ZNF578: variants seen among roughly 807,000 people sequenced by gnomAD.
The protein encoded by ZNF578 is Putative chemokine-related protein B42.
ZNF578 carries 8 observed loss-of-function variants against 8.3 expected under a neutral mutation model. The ratio of observed to expected loss-of-function variants is 0.96; its 90% CI spans 0.56 to 1.74. The LOEUF is 1.74. Ranked by LOEUF, ZNF578 falls within the 40% of genes most tolerant of loss-of-function variation. The pLI, the probability that ZNF578 is intolerant of heterozygous loss-of-function variation, is 0.00. For synonymous variants in ZNF578, 206 were observed against 232.2 expected (o/e 0.89, Z 1.03); for missense variants, 726 against 707.5 (o/e 1.03, Z -0.30).
chr19:52,511,078 T>G lies in ZNF578; in HGVS notation c.697T>G (p.Cys233Gly). 6.2e-7 allele frequency: 1 copy of G among 1,614,220 alleles called. No individual in the cohort carries two copies. The highest frequency in any genetic ancestry group is 8.5e-7 in the Non-Finnish European group (1 of 1,180,028). The change falls in exon 6 of 6, where the codon TGT becomes GGT. Residue 233 changes from cysteine to glycine, a missense_variant. Coordinates refer to ENST00000421239, the MANE Select transcript of ZNF578 (RefSeq NM_001099694.2). ...EVHMREKSFQCNETGEAFNCS... is the reference protein window; with the variant it reads ...EVHMREKSFQGNETGEAFNCS... ...ACACATGAGAGAAAAATCTTTCCAATGTAATGAGACTGGCGAAGCCTTTAA... is the reference window on the plus strand; with the variant it reads ...ACACATGAGAGAAAAATCTTTCCAAGGTAATGAGACTGGCGAAGCCTTTAA...
chr19:52,510,056 A>T (rs941434608), intron 5 of ZNF578, among the ~76,000 whole-genome samples: 3 of 151,782 alleles, frequency 2.0e-5, no homozygotes, highest in Non-Finnish European at 2.9e-5. Context: ...TAATTTTTGT[A>T]ATCTTTTCTT....
intron 2 of ZNF578, among the ~76,000 whole-genome samples, chr19:52,485,210 T>C (rs2122857046): frequency 6.6e-6 from 1 of 152,212 alleles, no homozygotes; most frequent in Non-Finnish European, 1.5e-5. Flanking sequence ...TGATTACTTT[T>C]GTGCTTTTGT....
intron 3 of ZNF578, among the ~76,000 whole-genome samples, chr19:52,500,891 T>C (rs1487362780): frequency 6.7e-6 from 1 of 150,072 alleles, no homozygotes; most frequent in Non-Finnish European, 1.5e-5. Flanking sequence ...TTTTTTTTTT[T>C]TTTTTGAGAT....
At chr19:52,494,827 TTTAA>T (rs894219761) in intron 3 of ZNF578, among the ~76,000 whole-genome samples, 9 of 152,130 alleles carry the variant, frequency 5.9e-5, no homozygotes, top group African/African-American at 1.7e-4. Context: ...ATGTAATACT[TTTAA>T]TTAATTAATT....
rs551678369 is a variant in ZNF578 at position 52,512,122 on chromosome 19, G to A, written c.1741G>A (p.Asp581Asn). ...TGGTAAGGCTCACAATCACTTGATT[G>A]ATTCATCAATCAAGCCTTGCATGTC... Reference protein sequence around the residue: ...ECGKAHNHLIDSSIKPCMSS With the variant: ...ECGKAHNHLINSSIKPCMSS The change falls in exon 6 of 6, where the codon GAT (aspartate) becomes AAT (asparagine). Residue 581 changes from aspartate to asparagine, a missense_variant. By Grantham distance (23) the Asp-to-Asn change is conservative. Transcript: ENST00000421239. The A allele has an allele frequency of 4.4e-6, 7 of 1,604,906 alleles. No homozygotes were observed. The highest frequency in any genetic ancestry group is 3.4e-5 in the Admixed American group (2 of 59,126).
chr19:52,499,112 C>T (rs1238515527), intron 3 of ZNF578, among the ~76,000 whole-genome samples: 1 of 152,184 alleles, frequency 6.6e-6, no homozygotes, highest in East Asian at 1.9e-4. Flanking sequence ...TGAAATGTCT[C>T]CCGCTGTGAG....
At chr19:52,468,251 C>T (rs2059281560) in intron 2 of ZNF578, among the ~76,000 whole-genome samples, 1 of 152,048 alleles carries the variant, frequency 6.6e-6, no homozygotes. Flanking sequence ...CTAGTAGAGT[C>T]CTATTTATTA....
intron 4 of ZNF578, among the ~76,000 whole-genome samples, chr19:52,504,411 T>C (rs1269151929): frequency 6.6e-6 from 1 of 152,082 alleles, no homozygotes; most frequent in Non-Finnish European, 1.5e-5. Context: ...TTTTTATTTA[T>C]ATAGTTTTTA....
rs538999882 is a variant in ZNF578, at chr19:52,482,453, C to G, written c.-121-8871C>G. Among the ~76,000 whole-genome samples, 13 of 152,154 alleles carry G rather than the reference C, an allele frequency of 8.5e-5. No homozygotes were observed. In the South Asian group the frequency reaches 2.7e-3, roughly 32 times the overall value. On this transcript the variant is annotated intron_variant, in intron 2 of 5. Coordinates refer to ENST00000421239, the MANE Select transcript of ZNF578 (RefSeq NM_001099694.2). ...GGGTTCGAGACCAGCGTGGCCAACACAGTGAAACCCCATCTCTACTAAAAA... is the reference window on the plus strand; with the variant it reads ...GGGTTCGAGACCAGCGTGGCCAACAGAGTGAAACCCCATCTCTACTAAAAA...
intron 2 of ZNF578, among the ~76,000 whole-genome samples, chr19:52,486,097 A>G (rs189588003): frequency 6.6e-6 from 1 of 152,352 alleles, no homozygotes; most frequent in East Asian, 1.9e-4. Flanking sequence ...ATTCACTGAG[A>G]TAGGAGAAAA....
chr19:52,499,045 A>G (rs987426672), intron 3 of ZNF578, among the ~76,000 whole-genome samples: 4 of 152,110 alleles, frequency 2.6e-5, no homozygotes, highest in Non-Finnish European at 5.9e-5. Flanking sequence ...AGGCCATCAC[A>G]TTGGAATCAG....
At chr19:52,506,706 T>C (rs2059426873) in intron 5 of ZNF578, among the ~76,000 whole-genome samples, 1 of 152,154 alleles carries the variant, frequency 6.6e-6, no homozygotes, top group Non-Finnish European at 1.5e-5. Context: ...TGCTGATCTC[T>C]TGATCCACCT....
chr19:52,507,168 A>G (rs2059428294), intron 5 of ZNF578, among the ~76,000 whole-genome samples: 1 of 152,196 alleles, frequency 6.6e-6, no homozygotes, highest in African/African-American at 2.4e-5. Flanking sequence ...TGGGTGGATC[A>G]CTTGAGGTCA....
intron 2 of ZNF578, among the ~76,000 whole-genome samples, chr19:52,488,757 C>G (rs2059354843): frequency 6.6e-6 from 1 of 151,190 alleles, no homozygotes. Context: ...GCACACCAGC[C>G]TGGGTAACAG....
rs939918870 is a variant in ZNF578, at chr19:52,513,956, T to C, written c.*1802T>C. Among the ~76,000 whole-genome samples, 22 of 151,866 alleles carry C rather than the reference T, an allele frequency of 1.4e-4. No homozygotes were observed. The highest frequency in any genetic ancestry group is 5.1e-4 in the African/African-American group (21 of 41,336). On this transcript the variant is annotated 3_prime_UTR_variant, in exon 6 of 6. Coordinates refer to ENST00000421239, the MANE Select transcript of ZNF578 (RefSeq NM_001099694.2). ...ATGAGAATCACTTAAACCTGGGAGGTAGAGGTTACAGCGAATCAAAACCGT... is the reference window on the plus strand; with the variant it reads ...ATGAGAATCACTTAAACCTGGGAGGCAGAGGTTACAGCGAATCAAAACCGT...
intron 4 of ZNF578, among the ~76,000 whole-genome samples, chr19:52,503,485 A>G (rs1255019096): frequency 6.6e-6 from 1 of 152,060 alleles, no homozygotes; most frequent in Non-Finnish European, 1.5e-5. Flanking sequence ...ATCTGGGATT[A>G]CAGGCATTCG....
Position 52,453,557 on chromosome 19 carries a change from T to C in ZNF578, c.-263T>C. On this transcript the variant is annotated 5_prime_UTR_variant, in exon 1 of 6. Coordinates refer to ENST00000421239, the MANE Select transcript of ZNF578 (RefSeq NM_001099694.2). ...GGGGCGTGAACTCGCAAGCGCAGTTTCCTGAAGACCCGGAAGCCGATCGCG... is the reference window on the plus strand; with the variant it reads ...GGGGCGTGAACTCGCAAGCGCAGTTCCCTGAAGACCCGGAAGCCGATCGCG... The C allele has an allele frequency of 6.5e-6, 1 of 152,878 alleles. No homozygotes were observed. The highest frequency in any genetic ancestry group is 1.5e-5 in the Non-Finnish European group (1 of 68,280). 9.5% of individuals were successfully genotyped at this position (152,878 alleles called of 1,614,324 possible).
chr19:52,497,878 A>G (rs2059392485), intron 3 of ZNF578, among the ~76,000 whole-genome samples: 1 of 152,174 alleles, frequency 6.6e-6, no homozygotes, highest in Middle Eastern at 3.2e-3. Context: ...CCTCTGGTCC[A>G]TAATATTCTC....
intron 3 of ZNF578, among the ~76,000 whole-genome samples, chr19:52,493,906 C>G (rs1340901904): frequency 1.3e-5 from 2 of 151,794 alleles, no homozygotes; most frequent in African/African-American, 4.8e-5. Context: ...TGGAGAATCG[C>G]TTGAACCTGG....
Sources: allele counts gnomAD v4.1 joint callset (sites outside exome capture counted in the v4.1 genomes callset), GRCh38; gene constraint gnomAD v4.1.1; transcripts MANE v1.5; gene names NCBI Gene and HGNC (gene_info 2026-07-23, HGNC 2026-07-21).